ZNF525: variants seen among roughly 807,000 people sequenced by gnomAD.
ZNF525 encodes the protein zinc finger protein 525.
A neutral mutation model predicts 37.6 loss-of-function variants in ZNF525; 33 were observed. The ratio of observed to expected loss-of-function variants is 0.88; its 90% CI spans 0.67 to 1.17. ZNF525 has a LOEUF of 1.17. ZNF525 is among the 50% of genes most tolerant of loss of function. The probability of loss-of-function intolerance (pLI) is 0.00; values close to 1 mark genes in which losing one functional copy is unlikely to be tolerated. For missense variants in ZNF525, 449 were observed against 543.1 expected, an observed-to-expected ratio of 0.83 and a Z score of 1.72; for synonymous variants, 170 against 182.3, an observed-to-expected ratio of 0.93 and a Z score of 0.54.
chr19:53,382,285 A>G lies in ZNF525; in HGVS notation c.*266A>G, dbSNP rs1477058100. ...AGTCATACATCATCCCTTACATGCC[A>G]TCATAGACTTCATACTGGAGAGAAA... On this transcript the variant is annotated 3_prime_UTR_variant, in exon 4 of 4. Coordinates refer to ENST00000474037, the MANE Select transcript of ZNF525 (RefSeq NM_001348156.2). 8.4e-6 allele frequency: 12 copies of G among 1,437,058 alleles called. No individual in the cohort carries two copies. Among genetic ancestry groups the G allele is most frequent in the African/African-American group, 1.4e-5 (1 of 71,280 alleles). 89.0% of individuals were successfully genotyped at this position (1,437,058 alleles called of 1,614,324 possible). A position where few individuals can be genotyped will look rare whatever the true frequency, so the allele number is the denominator to read the frequency against.
At chr19:53,377,753 G>A (rs1249608433) in intron 3 of ZNF525, among the ~76,000 whole-genome samples, 3 of 151,686 alleles carry the variant, frequency 2.0e-5, no homozygotes, top group Admixed American at 2.0e-4. Flanking sequence ...GTAGAGACGG[G>A]GTTTCACTGT....
intron 2 of ZNF525, among the ~76,000 whole-genome samples, chr19:53,373,574 C>T (rs539749715): frequency 3.1e-4 from 47 of 152,202 alleles, no homozygotes; most frequent in Admixed American, 5.9e-4. Flanking sequence ...ACTGTCAGTT[C>T]GGTGTCAGGT....
Position 53,382,952 on chromosome 19 carries a change from C to T in ZNF525, c.*933C>T. ...CAGTCAAAATTCGGCCCTTGTAATTCATAAGGCAATTCATACTGGAGAGAA... is the reference window on the plus strand; with the variant it reads ...CAGTCAAAATTCGGCCCTTGTAATTTATAAGGCAATTCATACTGGAGAGAA... On this transcript the variant is annotated 3_prime_UTR_variant, in exon 4 of 4. Transcript: ENST00000474037. 2.6e-6 allele frequency: 4 copies of T among 1,515,620 alleles called. No homozygotes were observed. The highest frequency in any genetic ancestry group is 3.6e-6 in the Non-Finnish European group (4 of 1,097,518). The allele number at this position is 1,515,620 out of a possible 1,614,324, so 93.9% of individuals were successfully genotyped here. A position where few individuals can be genotyped will look rare whatever the true frequency, so the allele number is the denominator to read the frequency against.
chr19:53,386,169 A>T lies in ZNF525; in HGVS notation c.*4150A>T, dbSNP rs994139645. The T allele has an allele frequency of 2.8e-4, 140 of 493,512 alleles. No individual in the cohort carries two copies. The highest frequency in any genetic ancestry group is 2.7e-3 in the African/African-American group (133 of 49,786). The allele number at this position is 493,512 out of a possible 1,614,324, so 30.6% of individuals were successfully genotyped here. A position where few individuals can be genotyped will look rare whatever the true frequency, so the allele number is the denominator to read the frequency against. On this transcript the variant is annotated 3_prime_UTR_variant, in exon 4 of 4. Coordinates refer to ENST00000474037, the MANE Select transcript of ZNF525 (RefSeq NM_001348156.2). Reference sequence around the variant, plus strand: ...AAAACTCCATCTCAAAAAAAAAAAAATTGTCAAGTTCCTTCTCTTCCATTC... The same window carrying T: ...AAAACTCCATCTCAAAAAAAAAAAATTTGTCAAGTTCCTTCTCTTCCATTC...
Position 53,383,509 on chromosome 19 carries a change from C to A in ZNF525, c.*1490C>A. 8.5e-7 allele frequency: 1 copy of A among 1,179,156 alleles called. No individual in the cohort carries two copies. Among genetic ancestry groups the A allele is most frequent in the Non-Finnish European group, 1.2e-6 (1 of 826,928 alleles). The allele number at this position is 1,179,156 out of a possible 1,614,324, so 73.0% of individuals were successfully genotyped here. ...ATGTAAGAGTTTTTGACAAGGCTTTCGGACGTGATTCACACCTGGCACAAC... is the reference window on the plus strand; with the variant it reads ...ATGTAAGAGTTTTTGACAAGGCTTTAGGACGTGATTCACACCTGGCACAAC... On this transcript the variant is annotated 3_prime_UTR_variant, in exon 4 of 4. Coordinates refer to ENST00000474037, the MANE Select transcript of ZNF525 (RefSeq NM_001348156.2).
At chr19:53,376,576 T>TTTTGTTTG in intron 3 of ZNF525, 1 of 510,082 alleles carries the variant, frequency 2.0e-6, no homozygotes, top group Non-Finnish European at 3.4e-6. Flanking sequence ...TCTTCTTTAC[T>TTTTGTTTG]TTTGTTTGTT....
intron 2 of ZNF525, among the ~76,000 whole-genome samples, chr19:53,374,460 A>G (rs906820685): frequency 6.6e-6 from 1 of 152,192 alleles, no homozygotes; most frequent in Non-Finnish European, 1.5e-5. Flanking sequence ...ACGTGCCTGC[A>G]TTCCTACAGA....
intron 1 of ZNF525, among the ~76,000 whole-genome samples, chr19:53,371,042 C>G (rs1296253263): frequency 6.6e-6 from 1 of 152,172 alleles, no homozygotes; most frequent in African/African-American, 2.4e-5. Context: ...AACCTATGTC[C>G]CTAAATGATG....
chr19:53,380,668 A>G, intron 3 of ZNF525, 54 bp from the exon 4 acceptor site: 1 of 838,004 alleles, frequency 1.2e-6, no homozygotes, highest in East Asian at 2.5e-5. Flanking sequence ...CATGTTTGGG[A>G]AGTTTAAAAT....
At position 53,381,424 on chromosome 19, in the gene ZNF525, A is replaced by G. The variant is rs757065189; in HGVS notation, c.845A>G (p.Gln282Arg). ...AATGAGTGTGGCAAGTCCTTCAGTC[A>G]GATGTCATCCCTTACATATCATCAT... ...KCNECGKSFSQMSSLTYHHRL... is the reference protein window; with the variant it reads ...KCNECGKSFSRMSSLTYHHRL... Residue 282 changes from glutamine to arginine, a missense_variant, in exon 4 of 4, where the codon CAG becomes CGG. Physicochemically the swap from Gln to Arg is conservative, Grantham distance 43 (BLOSUM62 1). Around this residue, in one of 2 missense-constraint regions of ZNF525, gnomAD observed 271 missense variants for 381.6 expected, o/e 0.71. Coordinates refer to ENST00000474037, the MANE Select transcript of ZNF525 (RefSeq NM_001348156.2). The G allele has an allele frequency of 8.3e-6, 13 of 1,557,346 alleles. No homozygotes were observed. The African/African-American group carries it at 1.5e-4, about 18-fold the overall frequency.
rs796404061 is a variant in ZNF525 at position 53,381,379 on chromosome 19, G to A, written c.800G>A (p.Gly267Asp). ...GCACGCCATCGTAGATGTCACACTG[G>A]TGAGAAACCTTACAAGTGTAATGAG... ...YLARHRRCHTGEKPYKCNECG... is the reference protein window; with the variant it reads ...YLARHRRCHTDEKPYKCNECG... The change falls in exon 4 of 4, where the codon GGT (glycine) becomes GAT (aspartate). Residue 267 changes from glycine (G) to aspartate (D), a missense_variant. Around this residue, in one of 2 missense-constraint regions of ZNF525, gnomAD observed 271 missense variants for 381.6 expected, o/e 0.71. Coordinates refer to ENST00000474037, the MANE Select transcript of ZNF525 (RefSeq NM_001348156.2). The A allele has an allele frequency of 1.3e-6, 2 of 1,596,872 alleles. No individual in the cohort carries two copies. The highest frequency in any genetic ancestry group is 1.1e-5 in the South Asian group (1 of 90,688).
chr19:53,367,821 ATT>A (rs75280177), intron 1 of ZNF525, among the ~76,000 whole-genome samples: 2 of 152,132 alleles, frequency 1.3e-5, no homozygotes, highest in Non-Finnish European at 2.9e-5. Context: ...GGTAGATGGC[ATT>A]TCTCATTTTC....
rs532515655 is a variant in ZNF525, at chr19:53,372,200, A to G, written c.-67-15A>G. 4.4e-6 allele frequency: 3 copies of G among 678,764 alleles called. No homozygotes were observed. Among genetic ancestry groups the G allele is most frequent in the South Asian group, 1.7e-5 (1 of 58,414 alleles). 42.0% of individuals were successfully genotyped at this position (678,764 alleles called of 1,614,324 possible). ...GTTGATTCTGAGCAATAAACAACAT[A>G]TTTTTATCACTCAGGATTGACATCT... On this transcript the variant is annotated splice_polypyrimidine_tract_variant and intron_variant, in intron 1 of 3. Coordinates refer to ENST00000474037, the MANE Select transcript of ZNF525 (RefSeq NM_001348156.2).
rs2085589365 is a variant in ZNF525 at position 53,384,244 on chromosome 19, T to A, written c.*2225T>A. The A allele has an allele frequency of 4.1e-6, 1 of 243,794 alleles. No individual in the cohort carries two copies. The highest frequency in any genetic ancestry group is 8.3e-6 in the Non-Finnish European group (1 of 120,656). The allele number at this position is 243,794 out of a possible 1,614,324, so 15.1% of individuals were successfully genotyped here. The stretch of plus-strand genomic sequence containing the variant: ...CACGCCTGTAATCCCAGCACTTTGG[T>A]AGGCCAAGGTGGGTAAATCACTTGA... On this transcript the variant is annotated 3_prime_UTR_variant, in exon 4 of 4. Transcript: ENST00000474037.
In ZNF525 at chr19:53,383,931, C is replaced by A; in HGVS notation, c.*1912C>A. 1.4e-6 allele frequency: 1 copy of A among 693,004 alleles called. No homozygotes were observed. Among genetic ancestry groups the A allele is most frequent in the Non-Finnish European group, 2.6e-6 (1 of 389,752 alleles). 42.9% of individuals were successfully genotyped at this position (693,004 alleles called of 1,614,324 possible). A position where few individuals can be genotyped will look rare whatever the true frequency, so the allele number is the denominator to read the frequency against. ...GATGATCGTGGCAAAGCCTTTACTT[C>A]ACATTCTCACCTCATTAGACATCAG... On this transcript the variant is annotated 3_prime_UTR_variant, in exon 4 of 4. Coordinates refer to ENST00000474037, the MANE Select transcript of ZNF525 (RefSeq NM_001348156.2).
chr19:53,380,921 A>G lies in ZNF525; in HGVS notation c.342A>G (p.Thr114=). The change falls in exon 4 of 4, where the codon ACA becomes ACG. Residue 114 remains threonine (T), a synonymous_variant. Transcript: ENST00000474037. ...DERNGHEAPM[T]KIKKLMGSTE... is the part of the protein sequence containing the mutation. ...GAAATGGCCATGAAGCACCCATGAC[A>G]AAAATCAAAAAATTGATGGGTAGTA... 1 of 1,525,722 alleles carries G rather than the reference A, an allele frequency of 6.6e-7. No individual in the cohort carries two copies. Among genetic ancestry groups the G allele is most frequent in the East Asian group, 2.3e-5 (1 of 44,430 alleles). The allele number at this position is 1,525,722 out of a possible 1,614,324, so 94.5% of individuals were successfully genotyped here.
chr19:53,380,154 G>A (rs1466112879), intron 3 of ZNF525, among the ~76,000 whole-genome samples: 1 of 151,228 alleles, frequency 6.6e-6, no homozygotes, highest in African/African-American at 2.4e-5. Flanking sequence ...ACAGTGGTGC[G>A]ATCTCGGCTC....
At chr19:53,373,816 G>C (rs11880947) in intron 2 of ZNF525, among the ~76,000 whole-genome samples, 38,078 of 126,760 alleles carry the variant, frequency 0.3, 5,166 homozygotes, top group South Asian at 0.37. Context: ...GCAAGACTTC[G>C]TCTCAAAAAA....
intron 1 of ZNF525, among the ~76,000 whole-genome samples, chr19:53,366,732 A>T (rs11667797): frequency 2.0e-5 from 3 of 146,394 alleles, no homozygotes; most frequent in African/African-American, 7.9e-5. Context: ...CTGGTGGCAA[A>T]GAGAACAGAG....
Sources: gnomAD v4.1 joint callset for allele counts (sites outside exome capture counted in the v4.1 genomes callset) on GRCh38, gnomAD v4.1.1 for gene constraint, gnomAD v4.1.1 regional missense constraint, MANE v1.5 for transcripts, NCBI Gene and HGNC (gene_info 2026-07-23, HGNC 2026-07-21) for gene names.